Variants in RNF125 observed in about 807,000 individuals in gnomAD.
RNF125 encodes the protein ring finger protein 125.
A neutral mutation model predicts 26.0 loss-of-function variants in RNF125; 21 were observed. That is an observed-to-expected ratio of 0.81 (90% CI 0.57 to 1.16). RNF125 has a LOEUF of 1.16. RNF125 is among the 50% of genes most tolerant of loss of function. The pLI, the probability that RNF125 is intolerant of heterozygous loss-of-function variation, is 0.00. For missense variants in RNF125, 270 were observed against 299.4 expected (o/e 0.90, Z 0.72); for synonymous variants, 95 against 109.2 (o/e 0.87, Z 0.81).
chr18:32,028,325 A>T (rs1317583555), intron 1 of RNF125, among the ~76,000 whole-genome samples: 1 of 142,386 alleles, frequency 7.0e-6, no homozygotes, highest in Non-Finnish European at 1.5e-5. Flanking sequence ...AAAAAAAAAA[A>T]TAATAGGTAG....
At chr18:32,055,623 C>A (rs1372812158) in intron 4 of RNF125, among the ~76,000 whole-genome samples, 2 of 152,070 alleles carry the variant, frequency 1.3e-5, no homozygotes, top group Admixed American at 6.5e-5. Context: ...GGGAAACTGC[C>A]CCCATGATTC....
At chr18:32,079,409 T>C in the RNF125 span, among the ~76,000 whole-genome samples, 1 of 152,218 alleles carries the variant, frequency 6.6e-6, no homozygotes. Flanking sequence ...CATTCAGTCC[T>C]TAACAACATG....
chr18:32,077,633 T>A (rs766019481), downstream of RNF125, among the ~76,000 whole-genome samples: 1 of 151,994 alleles, frequency 6.6e-6, no homozygotes, highest in South Asian at 2.1e-4. Context: ...ATTGCTGGGA[T>A]TACAGGTGTG....
chr18:32,058,132 T>TAA (rs780204451), intron 4 of RNF125, among the ~76,000 whole-genome samples: 54 of 80,642 alleles, frequency 6.7e-4, no homozygotes, highest in African/African-American at 1.9e-3. Flanking sequence ...ACCCCATCTC[T>TAA]AAAAAAAAAA....
rs769713036 is a variant in RNF125, at chr18:32,037,209, A to T, written c.258A>T (p.Ala86=). ...RAYLPSEGVP[A]TDVAKRMKSE... is the part of the protein sequence containing the mutation. ...ATCTTCCTTCAGAAGGAGTTCCAGCAACTGATGTAGCCAAAAGAATGAAAT... is the reference window on the plus strand; with the variant it reads ...ATCTTCCTTCAGAAGGAGTTCCAGCTACTGATGTAGCCAAAAGAATGAAAT... The change falls in exon 2 of 6, where the codon GCA becomes GCT. Residue 86 remains alanine (A), a synonymous_variant. Coordinates refer to ENST00000217740, the MANE Select transcript of RNF125 (RefSeq NM_017831.4). The T allele has an allele frequency of 6.2e-7, 1 of 1,606,916 alleles. No individual in the cohort carries two copies. The highest frequency in any genetic ancestry group is 1.7e-5 in the Admixed American group (1 of 58,276).
chr18:32,058,712 A>C (rs1431154168), intron 4 of RNF125, among the ~76,000 whole-genome samples: 1 of 152,090 alleles, frequency 6.6e-6, no homozygotes, highest in Non-Finnish European at 1.5e-5. Flanking sequence ...GAAATGCTAA[A>C]TCTTATACAT....
Position 32,062,624 on chromosome 18 carries a change from G to T in RNF125, c.505-3278G>T, listed in dbSNP as rs533795274. On this transcript the variant is annotated intron_variant, in intron 4 of 5. Transcript: ENST00000217740. Reference sequence around the variant, plus strand: ...CCTCATAAAACAATAAGAAAGAAAAGAAATATATAAAGACCTCATTTAAAT... The same window carrying T: ...CCTCATAAAACAATAAGAAAGAAAATAAATATATAAAGACCTCATTTAAAT... Among the ~76,000 whole-genome samples the T allele has an allele frequency of 3.2e-3, 494 of 152,130 alleles. 3 individuals carry two copies. Among genetic ancestry groups the T allele is most frequent in the African/African-American group, 0.011 (462 of 41,524 alleles).
chr18:32,042,261 A>C lies in RNF125; in HGVS notation c.401A>C (p.Glu134Ala). The C allele has an allele frequency of 6.2e-7, 1 of 1,609,046 alleles. No homozygotes were observed. The highest frequency in any genetic ancestry group is 8.5e-7 in the Non-Finnish European group (1 of 1,175,868). ...DKYGPLQELE[E>A]TAARCVCPFC... ...TATGGACCACTACAAGAACTTGAGG[A>C]GACAGCAGCAAGGTTTGTTTCAATA... Residue 134 changes from glutamate (E) to alanine (A), a missense_variant, in exon 3 of 6, where the codon GAG becomes GCG. By Grantham distance (107) the Glu-to-Ala change is moderately radical. Coordinates refer to ENST00000217740, the MANE Select transcript of RNF125 (RefSeq NM_017831.4).
intron 3 of RNF125, among the ~76,000 whole-genome samples, chr18:32,044,549 T>A (rs369329775): frequency 2.6e-4 from 40 of 152,116 alleles, no homozygotes; most frequent in Middle Eastern, 3.4e-3. Context: ...TGAATTTTTT[T>A]ATTTTTTTTG....
chr18:32,072,763 C>T lies in RNF125; in HGVS notation c.*4379C>T, dbSNP rs1222439085. The T allele has an allele frequency of 6.6e-6, 1 of 152,060 alleles. No individual in the cohort carries two copies. Among genetic ancestry groups the T allele is most frequent in the Non-Finnish European group, 1.5e-5 (1 of 68,010 alleles). The allele number at this position is 152,060 out of a possible 1,614,324, so 9.4% of individuals were successfully genotyped here. ...GCTTCAGGATACAACTTTTTCAGGGCCTTATTAGAGAAAAACTGATTCACA... is the reference window on the plus strand; with the variant it reads ...GCTTCAGGATACAACTTTTTCAGGGTCTTATTAGAGAAAAACTGATTCACA... On this transcript the variant is annotated 3_prime_UTR_variant, in exon 6 of 6. Coordinates refer to ENST00000217740, the MANE Select transcript of RNF125 (RefSeq NM_017831.4).
chr18:32,059,116 C>T (rs1392618198), intron 4 of RNF125, among the ~76,000 whole-genome samples: 2 of 152,116 alleles, frequency 1.3e-5, no homozygotes, highest in Non-Finnish European at 2.9e-5. Context: ...TACTGATTTC[C>T]TTTCTTTGGG....
At position 32,056,928 on chromosome 18, in the gene RNF125, G is replaced by C. The variant is rs189139360; in HGVS notation, c.505-8974G>C. The stretch of plus-strand genomic sequence containing the variant: ...CATTTCTATTTCTACATTATACTTG[G>C]GCTGTTTATAGTATTGAGCTAATAA... On this transcript the variant is annotated intron_variant, in intron 4 of 5. Transcript: ENST00000217740. 3.3e-3 allele frequency among the ~76,000 whole-genome samples: 509 copies of C among 152,144 alleles called. 2 individuals carry two copies. Among genetic ancestry groups the C allele is most frequent in the Non-Finnish European group, 5.6e-3 (381 of 68,018 alleles).
chr18:32,082,997 G>A, the RNF125 span, among the ~76,000 whole-genome samples: 205 of 152,306 alleles, frequency 1.3e-3, 1 homozygote, highest in Admixed American at 3.7e-3. Flanking sequence ...AGCTAGATTT[G>A]TTGGCAATAG....
At chr18:32,062,485 A>C (rs1425556331) in intron 4 of RNF125, among the ~76,000 whole-genome samples, 2 of 152,242 alleles carry the variant, frequency 1.3e-5, no homozygotes, top group African/African-American at 4.8e-5. Flanking sequence ...ATTCAACAAT[A>C]ATTAATTAAA....
the RNF125 span, among the ~76,000 whole-genome samples, chr18:32,090,178 G>A: frequency 2.6e-5 from 4 of 152,180 alleles, no homozygotes; most frequent in Non-Finnish European, 4.4e-5. Context: ...CCTGGAAGGC[G>A]CAGGTTGAAG....
Position 32,069,425 on chromosome 18 carries a change from T to C in RNF125, c.*1041T>C, listed in dbSNP as rs1344655523. 2 of 152,182 alleles carry C rather than the reference T, an allele frequency of 1.3e-5. No homozygotes were observed. Among genetic ancestry groups the C allele is most frequent in the Admixed American group, 6.6e-5 (1 of 15,262 alleles). The allele number at this position is 152,182 out of a possible 1,614,324, so 9.4% of individuals were successfully genotyped here. On this transcript the variant is annotated 3_prime_UTR_variant, in exon 6 of 6. Coordinates refer to ENST00000217740, the MANE Select transcript of RNF125 (RefSeq NM_017831.4). Reference sequence around the variant, plus strand: ...GATACTTACAGTATAAGTATTCACATCCAGACTTTTTAGTAGAAAACCCTA... The same window carrying C: ...GATACTTACAGTATAAGTATTCACACCCAGACTTTTTAGTAGAAAACCCTA...
At chr18:32,089,245 T>G in the RNF125 span, among the ~76,000 whole-genome samples, 2 of 152,256 alleles carry the variant, frequency 1.3e-5, no homozygotes, top group Admixed American at 6.5e-5. Context: ...AGAAAATTAG[T>G]CTGGCTAAAG....
intron 1 of RNF125, among the ~76,000 whole-genome samples, chr18:32,029,997 C>A (rs2039076405): frequency 6.6e-6 from 1 of 152,152 alleles, no homozygotes; most frequent in Non-Finnish European, 1.5e-5. Flanking sequence ...ACCTCAGATA[C>A]AACTGCTCTA....
intron 4 of RNF125, among the ~76,000 whole-genome samples, chr18:32,051,264 C>T (rs1054011720): frequency 3.3e-5 from 5 of 151,980 alleles, no homozygotes; most frequent in Admixed American, 1.3e-4. Context: ...CACTGCATGC[C>T]CAGTTCTTTG....
Sources: gnomAD v4.1 joint callset for allele counts (sites outside exome capture counted in the v4.1 genomes callset) on GRCh38, gnomAD v4.1.1 for gene constraint, MANE v1.5 for transcripts, NCBI Gene and HGNC (gene_info 2026-07-23, HGNC 2026-07-21) for gene names.